Variants in PPP4R4 observed in about 807,000 individuals in gnomAD.
The protein encoded by PPP4R4 is serine/threonine-protein phosphatase 4 regulatory subunit 4.
In PPP4R4, 70 loss-of-function variants were observed where a neutral mutation model predicts 121.8. The ratio of observed to expected loss-of-function variants is 0.57; its 90% confidence interval spans 0.47 to 0.70. The LOEUF (loss-of-function observed/expected upper bound fraction) is 0.70. Ranked by LOEUF, PPP4R4 falls within the 30% of genes least tolerant of loss-of-function variation. The pLI, the probability that PPP4R4 is intolerant of heterozygous loss-of-function variation, is 0.00. For synonymous variants in PPP4R4, 348 were observed against 355.7 expected (o/e 0.98, Z 0.24); for missense variants, 875 against 1,033.6 (o/e 0.85, Z 2.10).
chr14:94,255,754 A>G (rs931483855), intron 16 of PPP4R4, among the ~76,000 whole-genome samples: 4 of 152,226 alleles, frequency 2.6e-5, no homozygotes, highest in Non-Finnish European at 5.9e-5. Context: ...GCTGCAGTCT[A>G]ATTTCAACAC....
At chr14:94,240,937 G>T in intron 9 of PPP4R4, 142 bp downstream of exon 9, 2 of 1,113,070 alleles carry the variant, frequency 1.8e-6, no homozygotes, top group South Asian at 3.0e-5. Context: ...TTAGAATTTT[G>T]ATAGCATCAT....
chr14:94,177,669 A>G (rs1388739675), intron 2 of PPP4R4, among the ~76,000 whole-genome samples: 1 of 152,208 alleles, frequency 6.6e-6, no homozygotes, highest in African/African-American at 2.4e-5. Flanking sequence ...TTTACTTGTG[A>G]TAGAAGACAC....
At chr14:94,182,243 A>T (rs934024205) in intron 2 of PPP4R4, among the ~76,000 whole-genome samples, 1 of 152,176 alleles carries the variant, frequency 6.6e-6, no homozygotes, top group Non-Finnish European at 1.5e-5. Flanking sequence ...TCAGTTAAAG[A>T]AGTACTTTCA....
Position 94,275,414 on chromosome 14 carries a change from T to C in PPP4R4, c.2490T>C (p.Ser830=). 6.2e-7 allele frequency: 1 copy of C among 1,614,076 alleles called. No homozygotes were observed. The highest frequency in any genetic ancestry group is 2.2e-5 in the East Asian group (1 of 44,874). ...CTCGTAATGCCAGTAGCGTTCCATC[T>C]TCCTTTTCTCCTAATACTCCCTTAC... ...FRTRNASSVP[S]SFSPNTPLPS... is the part of the protein sequence containing the mutation. The change falls in exon 24 of 25, where the codon TCT becomes TCC. Residue 830 remains serine (S), a synonymous_variant. Coordinates refer to ENST00000304338, the MANE Select transcript of PPP4R4 (RefSeq NM_058237.2).
intron 19 of PPP4R4, among the ~76,000 whole-genome samples, chr14:94,260,920 T>TA (rs762315286): frequency 4.6e-5 from 7 of 152,092 alleles, no homozygotes; most frequent in Non-Finnish European, 8.8e-5. Flanking sequence ...TATTTTCTTT[T>TA]AAAAATTTTC....
intron 8 of PPP4R4, among the ~76,000 whole-genome samples, chr14:94,239,777 A>AGT (rs1892530946): frequency 6.6e-6 from 1 of 152,090 alleles, no homozygotes; most frequent in South Asian, 2.1e-4. Flanking sequence ...CTATTAAGAC[A>AGT]GTGATCACAT....
chr14:94,237,189 T>TATTATTTAG (rs1475486789), intron 7 of PPP4R4, among the ~76,000 whole-genome samples: 1 of 152,146 alleles, frequency 6.6e-6, no homozygotes, highest in Non-Finnish European at 1.5e-5. Context: ...GATAGAAATA[T>TATTATTTAG]ATTATTTAGG....
At chr14:94,216,060 A>G (rs1891001957) in intron 3 of PPP4R4, among the ~76,000 whole-genome samples, 1 of 152,198 alleles carries the variant, frequency 6.6e-6, no homozygotes, top group South Asian at 2.1e-4. Context: ...TTTTTACCCT[A>G]TCTGCAATAA....
At chr14:94,253,568 A>G (rs1320423979) in intron 16 of PPP4R4, among the ~76,000 whole-genome samples, 2 of 152,230 alleles carry the variant, frequency 1.3e-5, no homozygotes, top group Admixed American at 6.5e-5. Flanking sequence ...TATAAAAGCA[A>G]CTTTCAATGT....
At chr14:94,210,374 G>T (rs933318757) in intron 3 of PPP4R4, among the ~76,000 whole-genome samples, 1 of 151,108 alleles carries the variant, frequency 6.6e-6, no homozygotes, top group Non-Finnish European at 1.5e-5. Context: ...AGAATCAAAT[G>T]TATCTTTTGA....
chr14:94,240,360 T>G (rs559946723), intron 8 of PPP4R4, among the ~76,000 whole-genome samples: 1 of 152,306 alleles, frequency 6.6e-6, no homozygotes, highest in East Asian at 1.9e-4. Flanking sequence ...TTAGAATTCT[T>G]TTAGTTATTC....
Position 94,265,385 on chromosome 14 carries a change from A to G in PPP4R4, c.2198-2A>G. The G allele has an allele frequency of 6.2e-7, 1 of 1,600,204 alleles. No individual in the cohort carries two copies. The highest frequency in any genetic ancestry group is 1.1e-5 in the South Asian group (1 of 90,650). The stretch of plus-strand genomic sequence containing the variant: ...TACAACTTAAAGCAGAATTTATTTT[A>G]GGTAGAGACACTAAGACACCAACGC... On this transcript the variant is annotated splice_acceptor_variant, in intron 20 of 24. Coordinates refer to ENST00000304338, the MANE Select transcript of PPP4R4 (RefSeq NM_058237.2). LOFTEE classifies it high-confidence loss of function.
chr14:94,177,924 C>T (rs1888767229), intron 2 of PPP4R4, among the ~76,000 whole-genome samples: 1 of 152,116 alleles, frequency 6.6e-6, no homozygotes, highest in Admixed American at 6.5e-5. Flanking sequence ...GGCTCACCTA[C>T]CTTGAAGGAG....
At chr14:94,231,493 A>G (rs953497317) in intron 5 of PPP4R4, among the ~76,000 whole-genome samples, 178 bp downstream of exon 5, 1 of 152,244 alleles carries the variant, frequency 6.6e-6, no homozygotes, top group African/African-American at 2.4e-5. Flanking sequence ...AAAAGAATTC[A>G]TAGCTCTGTA....
At chr14:94,174,734 T>A (rs1595437346) in intron 1 of PPP4R4, 152 bp downstream of exon 1, 2 of 1,395,638 alleles carry the variant, frequency 1.4e-6, no homozygotes, top group African/African-American at 1.5e-5. Flanking sequence ...CCACCCCTCT[T>A]GCCGTGTCGC....
chr14:94,219,961 C>T (rs985864592), intron 3 of PPP4R4, among the ~76,000 whole-genome samples: 7 of 152,150 alleles, frequency 4.6e-5, no homozygotes, highest in Admixed American at 6.5e-5. Context: ...TGGTGGCTCA[C>T]GCCTGTAATC....
At chr14:94,189,760 C>T (rs977521820) in intron 2 of PPP4R4, among the ~76,000 whole-genome samples, 12 of 152,172 alleles carry the variant, frequency 7.9e-5, no homozygotes, top group East Asian at 1.9e-4. Flanking sequence ...GTTATTGAAG[C>T]CTGACCATCT....
chr14:94,197,641 A>G (rs1301237532), intron 2 of PPP4R4, among the ~76,000 whole-genome samples: 1 of 152,178 alleles, frequency 6.6e-6, no homozygotes, highest in Non-Finnish European at 1.5e-5. Flanking sequence ...TATTCCCATG[A>G]AACCCTCACC....
rs145914561 is a variant in PPP4R4 at position 94,220,551 on chromosome 14, G to A, written c.295-10036G>A. 1.5e-3 allele frequency among the ~76,000 whole-genome samples: 235 copies of A among 152,128 alleles called. 1 individual carries two copies. The highest frequency in any genetic ancestry group is 5.5e-3 in the African/African-American group (228 of 41,512). On this transcript the variant is annotated intron_variant, in intron 3 of 24. Transcript: ENST00000304338. ...CCAAGCGAGTATAGAAAGGTTATGG[G>A]ATATAAGATCAATATACAAAAATCA...
Sources: allele counts gnomAD v4.1 joint callset (sites outside exome capture counted in the v4.1 genomes callset), GRCh38; gene constraint gnomAD v4.1.1; transcripts MANE v1.5; gene names NCBI Gene and HGNC (gene_info 2026-07-23, HGNC 2026-07-21).